The following TOM1 variants were observed in gnomAD, a reference collection of about 807,000 sequenced individuals.
TOM1 encodes target of myb1 membrane trafficking protein.
TOM1 carries 38 observed loss-of-function variants against 61.3 expected under a neutral mutation model. The ratio of observed to expected loss-of-function variants is 0.62; its 90% CI spans 0.48 to 0.81. TOM1 has a LOEUF of 0.81. Among genes scored for constraint, TOM1 ranks in the 40% least tolerant of loss-of-function variants. TOM1 has a pLI of 0.00. For missense variants in TOM1, 591 were observed against 659.6 expected, an observed-to-expected ratio of 0.90 and a Z score of 1.14; for synonymous variants, 270 against 268.8, an observed-to-expected ratio of 1.00 and a Z score of -0.04.
At chr22:35,335,392 G>A (rs1382429834) in intron 11 of TOM1, among the ~76,000 whole-genome samples, 1 of 152,182 alleles carries the variant, frequency 6.6e-6, no homozygotes, top group Admixed American at 6.5e-5. Context: ...GGTCCTTAGG[G>A]CTGCCCTGGC....
At chr22:35,346,626 T>C (rs1930521764) in intron 13 of TOM1, among the ~76,000 whole-genome samples, 1 of 152,200 alleles carries the variant, frequency 6.6e-6, no homozygotes, top group Non-Finnish European at 1.5e-5. Context: ...GGGCTTGGCG[T>C]GCTGTGTGTT....
chr22:35,321,763 A>AG, intron 2 of TOM1, 196 bp from the exon 3 acceptor site: 2 of 704,346 alleles, frequency 2.8e-6, no homozygotes, highest in Non-Finnish European at 5.3e-6. Flanking sequence ...CTGGAGGTCC[A>AG]GGGGCCACAG....
At position 35,333,421 on chromosome 22, in the gene TOM1, G is replaced by T. The variant is rs1368089147; in HGVS notation, c.951G>T (p.Glu317Asp). 6.2e-7 allele frequency: 1 copy of T among 1,614,014 alleles called. No homozygotes were observed. The highest frequency in any genetic ancestry group is 1.7e-5 in the Admixed American group (1 of 60,020). ...CCCACCAGGCCCCAAGTGAGGCCGA[G>T]CCGGCAGCTGACCTGATCGACATGG... ...GQTTKAPSEA[E>D]PAADLIDMGP... Residue 317 changes from glutamate (E) to aspartate (D), a missense_variant, in exon 10 of 15, where the codon GAG becomes GAT. Glu to Asp is a conservative substitution (Grantham distance 45, BLOSUM62 2). Transcript: ENST00000449058.
intron 12 of TOM1, among the ~76,000 whole-genome samples, chr22:35,339,700 C>G (rs1030054686): frequency 1.1e-4 from 16 of 151,774 alleles, no homozygotes; most frequent in South Asian, 2.1e-4. Flanking sequence ...GTCAGGAGAT[C>G]GAGACCATCC....
Position 35,346,492 on chromosome 22 carries a change from C to T in TOM1, c.1285-438C>T, listed in dbSNP as rs191563858. ...CCCCCTCCCTAGTTTGCAGTGTTAG[C>T]ATGAATGGCCCTCAGCCTCTGGATG... On this transcript the variant is annotated intron_variant, in intron 13 of 14. Transcript: ENST00000449058. Among the ~76,000 whole-genome samples, 301 of 152,320 alleles carry T rather than the reference C, an allele frequency of 2.0e-3. 2 individuals are homozygous for T. Among genetic ancestry groups the T allele is most frequent in the Admixed American group, 0.011 (175 of 15,304 alleles).
intron 6 of TOM1, among the ~76,000 whole-genome samples, chr22:35,324,736 G>A (rs1353380764): frequency 2.6e-5 from 4 of 152,196 alleles, no homozygotes; most frequent in African/African-American, 7.2e-5. Flanking sequence ...TTTTAGTAGA[G>A]ATGGAGTTTC....
chr22:35,320,987 G>GAAACAAAAAAAAAA (rs1927718094), intron 2 of TOM1, among the ~76,000 whole-genome samples: 2 of 88,916 alleles, frequency 2.2e-5, no homozygotes, highest in Non-Finnish European at 2.4e-5. Flanking sequence ...GTCTCAGAAG[G>GAAACAAAAAAAAAA]AAAAAAAAAA....
In TOM1 at chr22:35,327,286, A is replaced by G; in HGVS notation, c.664A>G (p.Ser222Gly). The G allele has an allele frequency of 6.2e-7, 1 of 1,614,022 alleles. No homozygotes were observed. The highest frequency in any genetic ancestry group is 1.7e-5 in the Admixed American group (1 of 60,014). Residue 222 changes from serine (S) to glycine (G), a missense_variant, in exon 7 of 15, where the codon AGT becomes GGT. Transcript: ENST00000449058. ...PTPEQIGKLRSELEMVSGNVR... is the reference protein window; with the variant it reads ...PTPEQIGKLRGELEMVSGNVR... Reference sequence around the variant, plus strand: ...TGTGTTTCAGATTGGGAAGCTGCGCAGTGAGCTGGAGATGGTGAGTGGGAA... The same window carrying G: ...TGTGTTTCAGATTGGGAAGCTGCGCGGTGAGCTGGAGATGGTGAGTGGGAA...
chr22:35,318,794 C>T (rs541412288), intron 2 of TOM1, among the ~76,000 whole-genome samples: 87 of 152,370 alleles, frequency 5.7e-4, no homozygotes, highest in African/African-American at 1.9e-3. Context: ...TGCTGCCAGA[C>T]GAGGCCTCCA....
At chr22:35,325,408 T>C (rs1174266337) in intron 6 of TOM1, among the ~76,000 whole-genome samples, 1 of 152,206 alleles carries the variant, frequency 6.6e-6, no homozygotes, top group African/African-American at 2.4e-5. Flanking sequence ...TTTTGCTAAC[T>C]GGACAAAATT....
chr22:35,322,014 C>G lies in TOM1; in HGVS notation c.193C>G (p.His65Asp). The G allele has an allele frequency of 6.2e-7, 1 of 1,614,170 alleles. No individual in the cohort carries two copies. The highest frequency in any genetic ancestry group is 1.1e-5 in the South Asian group (1 of 91,086). The change falls in exon 3 of 15, where the codon CAC becomes GAC. Residue 65 changes from histidine (H) to aspartate (D), a missense_variant. Transcript: ENST00000449058. The stretch of plus-strand genomic sequence containing the variant: ...GAGAATCGTGGGGAATAAGAACTTC[C>G]ACGAGGTGATGCTGGCTCTCACAGT... ...KKRIVGNKNFHEVMLALTVLE... is the reference protein window; with the variant it reads ...KKRIVGNKNFDEVMLALTVLE...
At chr22:35,331,281 T>C (rs1375744588) in intron 8 of TOM1, 4 of 449,240 alleles carry the variant, frequency 8.9e-6, no homozygotes, top group East Asian at 7.0e-5. Context: ...TCTTTTTTTT[T>C]TTTTCTTTTT....
intron 3 of TOM1, 92 bp from the exon 4 acceptor site, chr22:35,322,936 C>A: frequency 1.3e-6 from 2 of 1,503,600 alleles, no homozygotes; most frequent in Non-Finnish European, 1.8e-6. Context: ...CGGGCCTCCT[C>A]TCTGGGACAC....
At chr22:35,334,487 G>T in intron 11 of TOM1, 39 bp downstream of exon 11, 1 of 1,611,536 alleles carries the variant, frequency 6.2e-7, no homozygotes. Context: ...CTGCAGTTCG[G>T]GTGGCTCTCG....
intron 1 of TOM1, among the ~76,000 whole-genome samples, chr22:35,300,494 C>A (rs1017731059): frequency 6.6e-6 from 1 of 152,236 alleles, no homozygotes; most frequent in African/African-American, 2.4e-5. Flanking sequence ...CCGGACAGCC[C>A]GCGGCCAGGC....
intron 8 of TOM1, chr22:35,331,347 A>G: frequency 2.2e-6 from 1 of 454,380 alleles, no homozygotes; most frequent in South Asian, 1.6e-5. Flanking sequence ...CTTGGCCTCA[A>G]GCAGTCCTCC....
chr22:35,332,083 T>C (rs1928889246), intron 8 of TOM1, among the ~76,000 whole-genome samples: 1 of 152,168 alleles, frequency 6.6e-6, no homozygotes, highest in Non-Finnish European at 1.5e-5. Context: ...AGCCCCTTGT[T>C]CATTTTTTGT....
rs567481163 is a variant in TOM1 at position 35,328,780 on chromosome 22, G to A, written c.765+1393G>A. The stretch of plus-strand genomic sequence containing the variant: ...ACACTGGGCAGTGCCGAGCCTCAGC[G>A]TTGCCTCCAGGAGAAAGGCGTGCTG... On this transcript the variant is annotated intron_variant, in intron 7 of 14. Coordinates refer to ENST00000449058, the MANE Select transcript of TOM1 (RefSeq NM_005488.3). 2.0e-5 allele frequency among the ~76,000 whole-genome samples: 3 copies of A among 152,316 alleles called. No individual in the cohort carries two copies. In the South Asian group the frequency reaches 6.2e-4, roughly 32 times the overall value.
At chr22:35,319,163 C>G (rs1183038122) in intron 2 of TOM1, among the ~76,000 whole-genome samples, 1 of 152,176 alleles carries the variant, frequency 6.6e-6, no homozygotes, top group Non-Finnish European at 1.5e-5. Context: ...CCTCACCAAG[C>G]CTCTAGACAG....
Sources: gnomAD v4.1 joint callset for allele counts (sites outside exome capture counted in the v4.1 genomes callset) on GRCh38, gnomAD v4.1.1 for gene constraint, MANE v1.5 for transcripts, NCBI Gene and HGNC (gene_info 2026-07-23, HGNC 2026-07-21) for gene names.